ADAMTS20: variants seen among roughly 807,000 people sequenced by gnomAD.
ADAMTS20 encodes the protein A disintegrin and metalloproteinase with thrombospondin motifs 20.
ADAMTS20 carries 225 observed loss-of-function variants against 260.1 expected under a neutral mutation model. The ratio of observed to expected loss-of-function variants is 0.87; its 90% CI spans 0.78 to 0.97. The LOEUF (loss-of-function observed/expected upper bound fraction) is 0.97. Among genes scored for constraint, ADAMTS20 ranks in the 50% least tolerant of loss-of-function variants. ADAMTS20 has a pLI of 0.00. For missense variants in ADAMTS20, 2,400 were observed against 2,337.7 expected, an observed-to-expected ratio of 1.03 and a Z score of -0.55; for synonymous variants, 802 against 769.5, an observed-to-expected ratio of 1.04 and a Z score of -0.70.
In ADAMTS20 at chr12:43,400,230, T is replaced by C. The variant is rs183651953; in HGVS notation, c.4285-997A>G. The stretch of plus-strand genomic sequence containing the variant: ...AGGGGAAAGCTAAGCAAAGAAGTCA[T>C]GGAGTTCAGACAACCTTTCTCATTC... On this transcript the variant is annotated intron_variant, in intron 28 of 38. Coordinates refer to ENST00000389420, the MANE Select transcript of ADAMTS20 (RefSeq NM_025003.5). Among the ~76,000 whole-genome samples, 8 of 152,164 alleles carry C rather than the reference T, an allele frequency of 5.3e-5. No individual in the cohort carries two copies. In the East Asian group the frequency reaches 1.3e-3, roughly 26 times the overall value.
intron 3 of ADAMTS20, among the ~76,000 whole-genome samples, chr12:43,515,482 A>T (rs967296310): frequency 6.6e-6 from 1 of 152,142 alleles, no homozygotes; most frequent in African/African-American, 2.4e-5. Context: ...TTATTAATCT[A>T]CATTTACTCC....
intron 28 of ADAMTS20, among the ~76,000 whole-genome samples, chr12:43,419,188 T>C (rs969907694): frequency 3.3e-5 from 5 of 152,162 alleles, no homozygotes; most frequent in African/African-American, 1.2e-4. Context: ...ATAAATCACA[T>C]AATCATATGT....
chr12:43,420,494 A>G (rs1463540857), intron 28 of ADAMTS20, among the ~76,000 whole-genome samples: 2 of 152,198 alleles, frequency 1.3e-5, no homozygotes, highest in African/African-American at 4.8e-5. Context: ...CAAATTTAAG[A>G]AAACAATTAC....
intron 28 of ADAMTS20, among the ~76,000 whole-genome samples, chr12:43,413,647 T>C (rs79581814): frequency 0.013 from 2,001 of 152,298 alleles, 49 homozygotes; most frequent in African/African-American, 0.046. Flanking sequence ...ATTAAACATA[T>C]CAAATTGATT....
chr12:43,441,497 T>C (rs1274425151), intron 16 of ADAMTS20, among the ~76,000 whole-genome samples: 1 of 152,150 alleles, frequency 6.6e-6, no homozygotes, highest in Non-Finnish European at 1.5e-5. Flanking sequence ...TATGTAATCT[T>C]GGACAAACCT....
At chr12:43,465,248 A>G (rs376736138) in intron 9 of ADAMTS20, among the ~76,000 whole-genome samples, 1 of 152,112 alleles carries the variant, frequency 6.6e-6, no homozygotes, top group East Asian at 1.9e-4. Context: ...GGAGTATAGC[A>G]GAGTCAAGAT....
chr12:43,368,975 C>T (rs1940044084), intron 37 of ADAMTS20, among the ~76,000 whole-genome samples: 3 of 152,108 alleles, frequency 2.0e-5, no homozygotes, highest in South Asian at 2.1e-4. Context: ...GCTTGTGATC[C>T]GTTCCTTTGC....
chr12:43,449,987 A>G (rs1308276329), intron 14 of ADAMTS20, among the ~76,000 whole-genome samples: 1 of 152,188 alleles, frequency 6.6e-6, no homozygotes, highest in Non-Finnish European at 1.5e-5. Flanking sequence ...TCTTAAAAGA[A>G]ATGTAATTCA....
intron 36 of ADAMTS20, 51 bp from the exon 37 acceptor site, chr12:43,369,432 T>C: frequency 9.3e-7 from 1 of 1,080,280 alleles, no homozygotes; most frequent in Admixed American, 3.5e-5. Context: ...AATGCAATCG[T>C]TGTTGTCAAA....
Position 43,439,916 on chromosome 12 carries a change from T to C in ADAMTS20, c.2444A>G (p.Glu815Gly). ...VERINSTNRQ[E>G]KELILQVLCV... ...ATTTACCTGCAAAATAAGTTCTTTC[T>C]CTTGTCGATTAGTACTATTAATTCT... Residue 815 changes from glutamate to glycine, a missense_variant, in exon 17 of 39, where the codon GAG (glutamate) becomes GGG (glycine). Physicochemically the swap from Glu to Gly is moderately conservative, Grantham distance 98. Coordinates refer to ENST00000389420, the MANE Select transcript of ADAMTS20 (RefSeq NM_025003.5). 1.2e-6 allele frequency: 2 copies of C among 1,605,476 alleles called. No individual in the cohort carries two copies. The highest frequency in any genetic ancestry group is 1.7e-6 in the Non-Finnish European group (2 of 1,175,664).
chr12:43,500,132 G>A (rs1260677757), intron 4 of ADAMTS20, among the ~76,000 whole-genome samples: 7 of 151,044 alleles, frequency 4.6e-5, no homozygotes, highest in East Asian at 2.0e-4. Context: ...GGGCTCAAGC[G>A]ATTCTCCAGC....
intron 16 of ADAMTS20, among the ~76,000 whole-genome samples, chr12:43,440,306 G>A (rs540198356): frequency 6.6e-6 from 1 of 151,984 alleles, no homozygotes; most frequent in South Asian, 2.1e-4. Context: ...GCGCCACCAC[G>A]CCTGGCTAAT....
chr12:43,383,632 T>C lies in ADAMTS20; in HGVS notation c.4723A>G (p.Thr1575Ala), dbSNP rs368326790. ...CAATTCTTGGATGTAAGAGATATGG[T>C]TGAAGAATTATAGACTATTTCATTC... ...QVNEIVYNSS[T>A]ISLTSKNCRN... The change falls in exon 31 of 39, where the codon ACC becomes GCC. Residue 1575 changes from threonine to alanine, a missense_variant. Thr to Ala is a moderately conservative substitution (Grantham distance 58). Transcript: ENST00000389420. The C allele has an allele frequency of 3.1e-6, 5 of 1,613,762 alleles. No homozygotes were observed. In the African/African-American group the frequency reaches 4.0e-5, roughly 13 times the overall value.
Position 43,377,356 on chromosome 12 carries a change from T to G in ADAMTS20, c.4995+9A>C. ...TCAGAAGTTTTAAAATTCATAATTG[T>G]ACACCGACCTTGCTCCATTTTCCAA... On this transcript the variant is annotated intron_variant, in intron 32 of 38. Coordinates refer to ENST00000389420, the MANE Select transcript of ADAMTS20 (RefSeq NM_025003.5). 1 of 1,604,688 alleles carries G rather than the reference T, an allele frequency of 6.2e-7. No individual in the cohort carries two copies. Among genetic ancestry groups the G allele is most frequent in the Non-Finnish European group, 8.5e-7 (1 of 1,174,490 alleles).
At chr12:43,405,417 CTAATAATA>C (rs1257431050) in intron 28 of ADAMTS20, among the ~76,000 whole-genome samples, 60 of 135,764 alleles carry the variant, frequency 4.4e-4, no homozygotes, top group African/African-American at 1.6e-3. Flanking sequence ...GACGTCTTCT[CTAATAATA>C]ATAATAATAA....
chr12:43,516,417 C>T (rs1408884114), intron 3 of ADAMTS20, among the ~76,000 whole-genome samples: 1 of 152,154 alleles, frequency 6.6e-6, no homozygotes, highest in Non-Finnish European at 1.5e-5. Flanking sequence ...CTAAGCAGCT[C>T]TCTACTAGAG....
intron 11 of ADAMTS20, among the ~76,000 whole-genome samples, chr12:43,456,625 G>A (rs1941968481): frequency 1.3e-5 from 2 of 152,142 alleles, no homozygotes; most frequent in Admixed American, 1.3e-4. Context: ...TCTGCAAAAA[G>A]GGTGCTCCTC....
intron 28 of ADAMTS20, among the ~76,000 whole-genome samples, chr12:43,402,867 T>C (rs770569502): frequency 4.0e-5 from 6 of 150,416 alleles, no homozygotes; most frequent in Non-Finnish European, 5.9e-5. Context: ...CTTAAACTGT[T>C]ACTGAGATTT....
chr12:43,398,245 T>G (rs1940742520), intron 29 of ADAMTS20, among the ~76,000 whole-genome samples: 1 of 152,162 alleles, frequency 6.6e-6, no homozygotes, highest in Admixed American at 6.5e-5. Context: ...CATTCATGGC[T>G]TTTGTCCTGT....
Sources: allele counts gnomAD v4.1 joint callset (sites outside exome capture counted in the v4.1 genomes callset), GRCh38; gene constraint gnomAD v4.1.1; transcripts MANE v1.5; gene names NCBI Gene and HGNC (gene_info 2026-07-23, HGNC 2026-07-21).